ATP6V0A1: variants seen among roughly 807,000 people sequenced by gnomAD.
ATP6V0A1 encodes the protein V-type proton ATPase 116 kDa subunit a 1.
In ATP6V0A1, 43 loss-of-function variants were observed where a neutral mutation model predicts 105.4. The observed-to-expected ratio is 0.41, with a 90% CI of 0.32 to 0.53. The LOEUF (loss-of-function observed/expected upper bound fraction) is 0.53, where lower values mean the gene tolerates loss of function less well. Among genes scored for constraint, ATP6V0A1 ranks in the 20% least tolerant of loss-of-function variants. ATP6V0A1 has a pLI of 0.30. For missense variants in ATP6V0A1, 676 were observed against 1,051.1 expected (o/e 0.64, Z 4.93); for synonymous variants, 362 against 372.8 (o/e 0.97, Z 0.33).
chr17:42,517,235 G>A (rs993705128), intron 21 of ATP6V0A1, among the ~76,000 whole-genome samples: 3 of 152,068 alleles, frequency 2.0e-5, no homozygotes, highest in Non-Finnish European at 4.4e-5. Context: ...AGCCAAGATC[G>A]CGCCACTGCA....
intron 9 of ATP6V0A1, among the ~76,000 whole-genome samples, chr17:42,484,066 G>A (rs1428595244): frequency 2.6e-5 from 4 of 151,484 alleles, no homozygotes; most frequent in Admixed American, 6.6e-5. Context: ...TTGTTTGTTC[G>A]TTTGTTTGTT....
At position 42,468,077 on chromosome 17, in the gene ATP6V0A1, T is replaced by C. The variant is rs946463888; in HGVS notation, c.264T>C (p.Val88=). The change falls in exon 4 of 22, where the codon GTT becomes GTC. Residue 88 remains valine, a synonymous_variant. Transcript: ENST00000343619. The part of the protein sequence containing the change: ...PIMDTGENPE[V]PFPRDMIDLE... ...TGGACACCGGTGAAAACCCAGAGGT[T>C]CCCTTCCCCCGGGACATGATTGACT... The C allele has an allele frequency of 6.2e-7, 1 of 1,600,928 alleles. No homozygotes were observed. Among genetic ancestry groups the C allele is most frequent in the African/African-American group, 1.3e-5 (1 of 74,346 alleles).
chr17:42,514,138 G>C, intron 20 of ATP6V0A1, 151 bp from the exon 21 acceptor site: 1 of 1,269,684 alleles, frequency 7.9e-7, no homozygotes, highest in Middle Eastern at 1.9e-4. Context: ...CTCAGCACTT[G>C]TGCCAGGTTA....
intron 5 of ATP6V0A1, among the ~76,000 whole-genome samples, chr17:42,472,446 C>T (rs765543599): frequency 4.0e-5 from 6 of 151,462 alleles, no homozygotes; most frequent in East Asian, 3.9e-4. Context: ...GTTTTTAGGC[C>T]GGGCGCGGTG....
intron 10 of ATP6V0A1, among the ~76,000 whole-genome samples, chr17:42,489,067 T>G (rs2090386624): frequency 6.7e-6 from 1 of 149,662 alleles, no homozygotes; most frequent in Non-Finnish European, 1.5e-5. Flanking sequence ...GCAGTTTTTT[T>G]GTTTTTTGGT....
At chr17:42,516,652 T>C (rs2092640919) in intron 21 of ATP6V0A1, among the ~76,000 whole-genome samples, 1 of 152,208 alleles carries the variant, frequency 6.6e-6, no homozygotes, top group Non-Finnish European at 1.5e-5. Context: ...GTCATCTCCC[T>C]GGGCAGGGCG....
intron 21 of ATP6V0A1, among the ~76,000 whole-genome samples, chr17:42,516,212 T>G (rs2092616871): frequency 6.6e-6 from 1 of 152,196 alleles, no homozygotes; most frequent in South Asian, 2.1e-4. Flanking sequence ...AGAAACTCAT[T>G]CCCCACTCCC....
intron 14 of ATP6V0A1, among the ~76,000 whole-genome samples, chr17:42,497,691 G>A (rs921565700): frequency 5.6e-5 from 8 of 143,562 alleles, no homozygotes; most frequent in Non-Finnish European, 1.2e-4. Flanking sequence ...AAAAAAAAAA[G>A]AAATCATTGT....
intron 5 of ATP6V0A1, among the ~76,000 whole-genome samples, chr17:42,475,412 A>G (rs2088597673): frequency 6.6e-6 from 1 of 152,234 alleles, no homozygotes; most frequent in South Asian, 2.1e-4. Flanking sequence ...GAGAACCCAG[A>G]TACCCTTAAG....
chr17:42,486,548 A>AT (rs2090132241), intron 9 of ATP6V0A1, among the ~76,000 whole-genome samples: 1 of 152,172 alleles, frequency 6.6e-6, no homozygotes, highest in Non-Finnish European at 1.5e-5. Flanking sequence ...ACACTGAACC[A>AT]TTTTTTCCTC....
At chr17:42,468,356 G>C (rs1427430553) in intron 4 of ATP6V0A1, among the ~76,000 whole-genome samples, 1 of 152,142 alleles carries the variant, frequency 6.6e-6, no homozygotes, top group Non-Finnish European at 1.5e-5. Flanking sequence ...ATCACCTTGA[G>C]TATTTACCAT....
At chr17:42,467,910 C>T in intron 3 of ATP6V0A1, 100 bp from the exon 4 acceptor site, 1 of 477,354 alleles carries the variant, frequency 2.1e-6, no homozygotes, top group Non-Finnish European at 3.4e-6. Flanking sequence ...TTGAATAAAA[C>T]TTTTTGTAAC....
chr17:42,516,523 G>T (rs1437563384), intron 21 of ATP6V0A1, among the ~76,000 whole-genome samples: 2 of 152,250 alleles, frequency 1.3e-5, no homozygotes, highest in East Asian at 3.9e-4. Context: ...GAACCTCTGA[G>T]GACTCACTTT....
chr17:42,465,611 G>A (rs926008759), intron 2 of ATP6V0A1, among the ~76,000 whole-genome samples: 10 of 151,900 alleles, frequency 6.6e-5, no homozygotes, highest in Middle Eastern at 6.3e-3. Flanking sequence ...TTTTTAGTGA[G>A]TAGTTACTTG....
chr17:42,501,391 C>A (rs995578031), intron 17 of ATP6V0A1, 87 bp downstream of exon 17: 11 of 982,300 alleles, frequency 1.1e-5, no homozygotes, highest in Non-Finnish European at 1.7e-5. Flanking sequence ...ATTAATTGTG[C>A]ACAAATCTAT....
rs1057371109 is a variant in ATP6V0A1 at position 42,505,380 on chromosome 17, AT to A, written c.2005-2135del. ...ACCACCTCCCCCGGCTAATTTTTGT[AT>A]TTTTAGTAGAGACAGGGTCTCACCA... On this transcript the variant is annotated intron_variant, in intron 17 of 21. Transcript: ENST00000343619. Among the ~76,000 whole-genome samples, 18 of 152,050 alleles carry A rather than the reference AT, an allele frequency of 1.2e-4. No individual in the cohort carries two copies. The East Asian group carries it at 2.7e-3, about 23-fold the overall frequency.
At chr17:42,487,544 G>A (rs1005110572) in intron 10 of ATP6V0A1, among the ~76,000 whole-genome samples, 177 bp downstream of exon 10, 2 of 152,046 alleles carry the variant, frequency 1.3e-5, no homozygotes, top group Non-Finnish European at 2.9e-5. Flanking sequence ...TGGCTAACAC[G>A]GTGAAACCCC....
intron 10 of ATP6V0A1, among the ~76,000 whole-genome samples, 160 bp downstream of exon 10, chr17:42,487,527 A>G (rs1598875809): frequency 1.3e-5 from 2 of 152,286 alleles, no homozygotes; most frequent in East Asian, 3.9e-4. Context: ...AGAGATCGAG[A>G]CCATCCTGGC....
At chr17:42,486,674 T>C (rs185568625) in intron 9 of ATP6V0A1, among the ~76,000 whole-genome samples, 3 of 152,342 alleles carry the variant, frequency 2.0e-5, no homozygotes, top group African/African-American at 7.2e-5. Flanking sequence ...TGGCGTCTCC[T>C]GGCCCATGTT....
Sources: gnomAD v4.1 joint callset for allele counts (sites outside exome capture counted in the v4.1 genomes callset) on GRCh38, gnomAD v4.1.1 for gene constraint, MANE v1.5 for transcripts, NCBI Gene and HGNC (gene_info 2026-07-23, HGNC 2026-07-21) for gene names.